The following KCNMA1 variants were observed in gnomAD, a reference collection of about 807,000 sequenced individuals.
KCNMA1 encodes the protein potassium calcium-activated channel subfamily M alpha 1, also known as Calcium-activated potassium channel subunit alpha-1.
A neutral mutation model predicts 140.0 loss-of-function variants in KCNMA1; 29 were observed. The ratio of observed to expected loss-of-function variants is 0.21; its 90% CI spans 0.15 to 0.28. KCNMA1 has a LOEUF of 0.28. Ranked by LOEUF, KCNMA1 falls within the 10% of genes least tolerant of loss-of-function variation. The pLI is 1.00. For synonymous variants in KCNMA1, 612 were observed against 611.9 expected (o/e 1.00, Z 0.00); for missense variants, 880 against 1,602.2 (o/e 0.55, Z 7.70).
intron 1 of KCNMA1, among the ~76,000 whole-genome samples, chr10:77,497,506 C>G (rs1372580388): frequency 1.3e-5 from 2 of 152,162 alleles, no homozygotes; most frequent in Non-Finnish European, 2.9e-5. Flanking sequence ...TGCATCCACC[C>G]CTGAGTTCCA....
At position 77,183,466 on chromosome 10, in the gene KCNMA1, C is replaced by T; in HGVS notation, c.763G>A (p.Val255Met). ...TACACAGACACAAACACGGGGGGCA[C>T]CGTGAAGAAATCCACTACAGAGTTC... ...EVNSVVDFFT[V>M]PPVFVSVYLN... Residue 255 changes from valine to methionine, a missense_variant, in exon 5 of 28, where the codon GTG becomes ATG. Val to Met is a conservative substitution (Grantham distance 21, BLOSUM62 1). Transcript: ENST00000286628. 1 of 1,613,916 alleles carries T rather than the reference C, an allele frequency of 6.2e-7. No homozygotes were observed. The highest frequency in any genetic ancestry group is 8.5e-7 in the Non-Finnish European group (1 of 1,179,964).
rs148645420 is a variant in KCNMA1, at chr10:76,941,538, A to C, written c.2902+3235T>G. ...TACAAGGTTAGAGTATCACCAGAGA[A>C]CAGTATTCAAAAACAAGAGAGGAGC... On this transcript the variant is annotated intron_variant, in intron 23 of 27. Transcript: ENST00000286628. 8.1e-3 allele frequency among the ~76,000 whole-genome samples: 1,233 copies of C among 152,200 alleles called. 15 individuals are homozygous for C. Among genetic ancestry groups the C allele is most frequent in the African/African-American group, 0.028 (1,167 of 41,510 alleles).
At chr10:77,118,606 C>A (rs550646352) in intron 6 of KCNMA1, among the ~76,000 whole-genome samples, 55 of 152,276 alleles carry the variant, frequency 3.6e-4, no homozygotes, top group Admixed American at 2.2e-3. Context: ...AGAAGTCAAC[C>A]CCCACCCTAC....
At chr10:76,940,999 A>G (rs1331337416) in intron 23 of KCNMA1, among the ~76,000 whole-genome samples, 10 of 39,298 alleles carry the variant, frequency 2.5e-4, no homozygotes, top group African/African-American at 1.0e-3. Context: ...GAGAGAAAGA[A>G]AGGAAGGAAG....
intron 1 of KCNMA1, chr10:77,634,086 A>T: frequency 1.1e-6 from 1 of 883,830 alleles, no homozygotes; most frequent in Non-Finnish European, 1.4e-6. Context: ...TACACAAGGA[A>T]AGATAGACAC....
chr10:77,353,970 T>TGGGGGGGGG (rs563299513), intron 2 of KCNMA1, among the ~76,000 whole-genome samples: 5 of 92,936 alleles, frequency 5.4e-5, no homozygotes, highest in South Asian at 5.0e-4. Flanking sequence ...CCTCTTTTTT[T>TGGGGGGGGG]GGGGGGGGGG....
intron 2 of KCNMA1, among the ~76,000 whole-genome samples, chr10:77,301,006 T>C (rs2076407763): frequency 1.3e-5 from 2 of 152,186 alleles, no homozygotes; most frequent in African/African-American, 2.4e-5. Context: ...GGTTGTAACA[T>C]GCAGTGGAAT....
intron 1 of KCNMA1, among the ~76,000 whole-genome samples, chr10:77,566,826 GCTACAGA>G (rs2154560020): frequency 6.6e-6 from 1 of 152,194 alleles, no homozygotes; most frequent in African/African-American, 2.4e-5. Flanking sequence ...GCATTCTTCG[GCTACAGA>G]GAGACAATAA....
chr10:77,552,981 G>A (rs757131196), intron 1 of KCNMA1, among the ~76,000 whole-genome samples: 7 of 152,092 alleles, frequency 4.6e-5, no homozygotes, highest in African/African-American at 1.2e-4. Flanking sequence ...CCCAGGAGGT[G>A]GAGGTTGCAG....
At chr10:77,218,688 T>G (rs1302560120) in intron 3 of KCNMA1, among the ~76,000 whole-genome samples, 1 of 152,202 alleles carries the variant, frequency 6.6e-6, no homozygotes, top group African/African-American at 2.4e-5. Flanking sequence ...ATTTATTTAC[T>G]GATTTATTTA....
intron 18 of KCNMA1, among the ~76,000 whole-genome samples, chr10:77,002,821 G>C (rs1007800026): frequency 6.6e-6 from 1 of 152,176 alleles, no homozygotes; most frequent in Non-Finnish European, 1.5e-5. Context: ...CTCTCACGAG[G>C]TGGGAGAAGA....
At chr10:77,604,427 A>G (rs745982002) in intron 1 of KCNMA1, among the ~76,000 whole-genome samples, 2 of 152,210 alleles carry the variant, frequency 1.3e-5, no homozygotes. Flanking sequence ...GTTGTTGGCC[A>G]GGCACAGTGG....
chr10:77,043,521 T>C (rs1185364353), intron 14 of KCNMA1, among the ~76,000 whole-genome samples: 1 of 152,122 alleles, frequency 6.6e-6, no homozygotes, highest in Non-Finnish European at 1.5e-5. Flanking sequence ...GGAAGAAGGA[T>C]CTCAAAGAGA....
At chr10:77,286,285 C>T (rs1052209754) in intron 2 of KCNMA1, among the ~76,000 whole-genome samples, 8 of 152,144 alleles carry the variant, frequency 5.3e-5, no homozygotes, top group African/African-American at 1.9e-4. Context: ...ATCTTGTCAC[C>T]CCAACAAAGA....
At position 77,018,714 on chromosome 10, in the gene KCNMA1, T is replaced by C. The variant is rs547694307; in HGVS notation, c.2015+299A>G. 3.3e-5 allele frequency among the ~76,000 whole-genome samples: 5 copies of C among 152,328 alleles called. No homozygotes were observed. In the South Asian group the frequency reaches 8.3e-4, roughly 25 times the overall value. ...GGAGCCAGTTGTCTTGTTATGTTGT[T>C]CTGAATCATCAGGAATCAGGATGAC... On this transcript the variant is annotated intron_variant, in intron 17 of 27. Coordinates refer to ENST00000286628, the MANE Select transcript of KCNMA1 (RefSeq NM_001161352.2).
intron 16 of KCNMA1, among the ~76,000 whole-genome samples, chr10:77,021,653 TGTGTAAGGAATC>T (rs2092870384): frequency 6.6e-6 from 1 of 152,220 alleles, no homozygotes; most frequent in African/African-American, 2.4e-5. Flanking sequence ...TATGGCTGAT[TGTGTAAGGAATC>T]GAAAGCATCT....
chr10:77,506,596 A>AGAGAGAGAGAGAGAGAGAGTGTGTGT, intron 1 of KCNMA1, among the ~76,000 whole-genome samples: 2 of 83,570 alleles, frequency 2.4e-5, no homozygotes, highest in African/African-American at 1.5e-4. Context: ...AGAGAGAGAG[A>AGAGAGAGAGAGAGAGAGAGTGTGTGT]GTGTGTGTGT....
chr10:77,573,990 A>G (rs773659336), intron 1 of KCNMA1, among the ~76,000 whole-genome samples: 18 of 151,896 alleles, frequency 1.2e-4, no homozygotes, highest in Non-Finnish European at 2.6e-4. Flanking sequence ...TGCGTGTGCC[A>G]ATGCCAGGCT....
intron 1 of KCNMA1, among the ~76,000 whole-genome samples, chr10:77,460,893 G>T (rs1448657052): frequency 6.6e-6 from 1 of 152,116 alleles, no homozygotes; most frequent in Non-Finnish European, 1.5e-5. Flanking sequence ...ATCACCTGAG[G>T]TCAAGAGTTC....
Sources: gnomAD v4.1 joint callset for allele counts (sites outside exome capture counted in the v4.1 genomes callset) on GRCh38, gnomAD v4.1.1 for gene constraint, MANE v1.5 for transcripts, NCBI Gene and HGNC (gene_info 2026-07-23, HGNC 2026-07-21) for gene names.